The following PPP4R4 variants were observed in gnomAD, a reference collection of about 807,000 sequenced individuals.
PPP4R4 encodes serine/threonine-protein phosphatase 4 regulatory subunit 4.
In PPP4R4, 70 loss-of-function variants were observed where a neutral mutation model predicts 121.8. The observed-to-expected ratio is 0.57, with a 90% CI of 0.47 to 0.70. PPP4R4 has a LOEUF of 0.70. Among genes scored for constraint, PPP4R4 ranks in the 30% least tolerant of loss-of-function variants. The pLI is 0.00. For missense variants in PPP4R4, 875 were observed against 1,033.6 expected (o/e 0.85, Z 2.10); for synonymous variants, 348 against 355.7 (o/e 0.98, Z 0.24).
At position 94,214,273 on chromosome 14, in the gene PPP4R4, G is replaced by A. The variant is rs115042288; in HGVS notation, c.294+5707G>A. Among the ~76,000 whole-genome samples, 652 of 152,270 alleles carry A rather than the reference G, an allele frequency of 4.3e-3. 4 individuals are homozygous for A. Among genetic ancestry groups the A allele is most frequent in the African/African-American group, 0.015 (621 of 41,544 alleles). On this transcript the variant is annotated intron_variant, in intron 3 of 24. Coordinates refer to ENST00000304338, the MANE Select transcript of PPP4R4 (RefSeq NM_058237.2). ...ACGTACATGTAGAATGGTATATAAC[G>A]CTGATTTATGTTCGAGAGAGACTTT...
At chr14:94,208,673 A>C in intron 3 of PPP4R4, 107 bp downstream of exon 3, 1 of 719,876 alleles carries the variant, frequency 1.4e-6, no homozygotes, top group Non-Finnish European at 2.3e-6. Flanking sequence ...TGCACCTAAA[A>C]ATTGAGTGGA....
At chr14:94,258,884 T>C in intron 18 of PPP4R4, 60 bp downstream of exon 18, 1 of 1,408,496 alleles carries the variant, frequency 7.1e-7, no homozygotes, top group Admixed American at 1.8e-5. Flanking sequence ...GAAAAAGACA[T>C]ACCCAAGACT....
intron 2 of PPP4R4, among the ~76,000 whole-genome samples, chr14:94,187,750 C>T (rs769055859): frequency 6.6e-6 from 1 of 151,802 alleles, no homozygotes; most frequent in Non-Finnish European, 1.5e-5. Flanking sequence ...TTTTCATGAT[C>T]TTGATAGTTT....
chr14:94,229,141 C>A (rs1417862852), intron 3 of PPP4R4, among the ~76,000 whole-genome samples: 1 of 152,052 alleles, frequency 6.6e-6, no homozygotes, highest in Non-Finnish European at 1.5e-5. Context: ...TAAAATAATT[C>A]CTCAGGCTAC....
intron 19 of PPP4R4, 37 bp from the exon 20 acceptor site, chr14:94,264,841 G>C (rs371391055): frequency 6.8e-7 from 1 of 1,466,600 alleles, no homozygotes. Flanking sequence ...ACCTACTTCA[G>C]TTGTACCTTT....
At chr14:94,236,789 A>G (rs974383069) in intron 7 of PPP4R4, among the ~76,000 whole-genome samples, 2 of 152,190 alleles carry the variant, frequency 1.3e-5, no homozygotes, top group East Asian at 3.8e-4. Context: ...GCATTGTCTT[A>G]GAGTCTTTGA....
At chr14:94,244,850 C>A in intron 12 of PPP4R4, 138 bp downstream of exon 12, 2 of 770,430 alleles carry the variant, frequency 2.6e-6, no homozygotes, top group Non-Finnish European at 1.8e-6. Flanking sequence ...TGTTGTACCA[C>A]TATATCATAA....
At chr14:94,178,922 G>A (rs1388674023) in intron 2 of PPP4R4, among the ~76,000 whole-genome samples, 1 of 152,110 alleles carries the variant, frequency 6.6e-6, no homozygotes. Flanking sequence ...CTTTCATTAG[G>A]TAAATCTTTA....
chr14:94,205,384 T>A (rs1004388418), intron 2 of PPP4R4, among the ~76,000 whole-genome samples: 3 of 152,064 alleles, frequency 2.0e-5, no homozygotes, highest in Non-Finnish European at 4.4e-5. Context: ...TCTGTAGAGA[T>A]ACCTACCGTT....
intron 9 of PPP4R4, among the ~76,000 whole-genome samples, chr14:94,241,386 C>G (rs994794244): frequency 1.3e-5 from 2 of 151,988 alleles, no homozygotes; most frequent in Admixed American, 1.3e-4. Context: ...TAAGCTCCTT[C>G]CCTGCAGAGA....
At chr14:94,255,245 ATTC>A (rs1273429955) in intron 16 of PPP4R4, among the ~76,000 whole-genome samples, 1 of 152,264 alleles carries the variant, frequency 6.6e-6, no homozygotes, top group East Asian at 1.9e-4. Context: ...CCTTAAATAA[ATTC>A]TTCTCTCTGT....
Position 94,256,500 on chromosome 14 carries a change from C to A in PPP4R4, c.1906C>A (p.Leu636Met). 1 of 1,603,048 alleles carries A rather than the reference C, an allele frequency of 6.2e-7. No individual in the cohort carries two copies. Among genetic ancestry groups the A allele is most frequent in the Non-Finnish European group, 8.5e-7 (1 of 1,171,070 alleles). Residue 636 changes from leucine (L) to methionine (M), a missense_variant, in exon 17 of 25, where the codon CTG (leucine) becomes ATG (methionine). By Grantham distance (15) the Leu-to-Met change is conservative (BLOSUM62 2). Coordinates refer to ENST00000304338, the MANE Select transcript of PPP4R4 (RefSeq NM_058237.2). Reference sequence around the variant, plus strand: ...CCTGTTGCCCAAAGTGAAATCTACTCTGAAGATTCCTGCTGATAAGCATCT... The same window carrying A: ...CCTGTTGCCCAAAGTGAAATCTACTATGAAGATTCCTGCTGATAAGCATCT... ...CYLLPKVKST[L>M]KIPADKHLLQ...
chr14:94,189,428 A>G (rs1889474408), intron 2 of PPP4R4, among the ~76,000 whole-genome samples: 1 of 152,168 alleles, frequency 6.6e-6, no homozygotes, highest in South Asian at 2.1e-4. Context: ...AAATATTATA[A>G]TTGATTTGTT....
At position 94,191,389 on chromosome 14, in the gene PPP4R4, G is replaced by A. The variant is rs564947509; in HGVS notation, c.191+15262G>A. 5.3e-4 allele frequency among the ~76,000 whole-genome samples: 80 copies of A among 152,192 alleles called. 1 individual carries two copies. Among genetic ancestry groups the A allele is most frequent in the African/African-American group, 1.7e-3 (70 of 41,510 alleles). On this transcript the variant is annotated intron_variant, in intron 2 of 24. Transcript: ENST00000304338. ...TTAAGTTGACATGTAGTAATTGTAT[G>A]TATTTATGGGATACAGAGCATATTT... is the stretch of plus-strand genomic sequence containing the variant.
At chr14:94,253,712 A>C (rs1377249141) in intron 16 of PPP4R4, among the ~76,000 whole-genome samples, 1 of 152,204 alleles carries the variant, frequency 6.6e-6, no homozygotes, top group East Asian at 1.9e-4. Flanking sequence ...AAAAAACCAA[A>C]TGAAGAGTAA....
At chr14:94,242,857 C>T (rs2139573616) in intron 11 of PPP4R4, among the ~76,000 whole-genome samples, 1 of 152,206 alleles carries the variant, frequency 6.6e-6, no homozygotes, top group East Asian at 1.9e-4. Flanking sequence ...GCTATTATGA[C>T]TATAAAGTAA....
intron 2 of PPP4R4, among the ~76,000 whole-genome samples, chr14:94,200,760 T>A (rs79606980): frequency 6.6e-6 from 1 of 152,106 alleles, no homozygotes; most frequent in African/African-American, 2.4e-5. Context: ...ATCAATGTTG[T>A]TTATCTTTTC....
At position 94,191,702 on chromosome 14, in the gene PPP4R4, G is replaced by A. The variant is rs79354133; in HGVS notation, c.191+15575G>A. 2.0e-5 allele frequency among the ~76,000 whole-genome samples: 3 copies of A among 152,182 alleles called. No individual in the cohort carries two copies. In the East Asian group the frequency reaches 5.8e-4, roughly 29 times the overall value. On this transcript the variant is annotated intron_variant, in intron 2 of 24. Coordinates refer to ENST00000304338, the MANE Select transcript of PPP4R4 (RefSeq NM_058237.2). ...TAAAGAGGAGTTTATCTCTTCGCAA[G>A]GAACATGAAACTTTCGTATACTGTT... is the stretch of plus-strand genomic sequence containing the variant.
chr14:94,214,876 C>A (rs952980752), intron 3 of PPP4R4, among the ~76,000 whole-genome samples: 8 of 152,016 alleles, frequency 5.3e-5, no homozygotes, highest in Non-Finnish European at 1.2e-4. Context: ...CAGTTAAAGT[C>A]AAAATGCAGT....
Sources: gnomAD v4.1 joint callset for allele counts (sites outside exome capture counted in the v4.1 genomes callset) on GRCh38, gnomAD v4.1.1 for gene constraint, MANE v1.5 for transcripts, NCBI Gene and HGNC (gene_info 2026-07-23, HGNC 2026-07-21) for gene names.